Variants in CNBD1 observed in about 807,000 individuals in gnomAD.
CNBD1 encodes the protein cyclic nucleotide binding domain containing 1.
Under a neutral mutation model 54.4 loss-of-function variants are expected in CNBD1, and 71 were observed. The observed-to-expected ratio is 1.30, with a 90% CI of 1.08 to 1.59. The LOEUF (loss-of-function observed/expected upper bound fraction) is 1.59. Among genes scored for constraint, CNBD1 ranks in the 40% most tolerant of loss-of-function variants. The pLI, the probability that CNBD1 is intolerant of heterozygous loss-of-function variation, is 0.00. For missense variants in CNBD1, 659 were observed against 518.0 expected, an observed-to-expected ratio of 1.27 and a Z score of -2.64; for synonymous variants, 182 against 170.7, an observed-to-expected ratio of 1.07 and a Z score of -0.51.
chr8:87,229,561 T>A (rs1292983300), intron 5 of CNBD1, among the ~76,000 whole-genome samples: 2 of 152,134 alleles, frequency 1.3e-5, no homozygotes, highest in Non-Finnish European at 2.9e-5. Context: ...TGTCTATAAA[T>A]TTTGGGATTA....
chr8:87,166,071 C>T lies in CNBD1; in HGVS notation c.432-39922C>T, dbSNP rs146390672. On this transcript the variant is annotated intron_variant, in intron 4 of 10. Transcript: ENST00000518476. This position sits in a 1 kb window ranked among gnomAD's most constrained non-coding sequence, Gnocchi z 4.3. ...GAAGGCCTTATAAGGGCATCTTCTA[C>T]CATATCTGAAATAAAACTAACTCTT... Among the ~76,000 whole-genome samples, 272 of 152,006 alleles carry T rather than the reference C, an allele frequency of 1.8e-3. No individual in the cohort carries two copies. The highest frequency in any genetic ancestry group is 6.4e-3 in the African/African-American group (264 of 41,512).
chr8:87,115,344 T>C (rs1435975036), intron 4 of CNBD1, among the ~76,000 whole-genome samples: 1 of 152,240 alleles, frequency 6.6e-6, no homozygotes, highest in Non-Finnish European at 1.5e-5. Flanking sequence ...TTTTTGGGAA[T>C]ATATGTCTAA....
chr8:87,427,305 C>G (rs1421262561), intron 2 of CNBD1, among the ~76,000 whole-genome samples: 2 of 152,246 alleles, frequency 1.3e-5, no homozygotes, highest in South Asian at 2.1e-4. Flanking sequence ...AATTGTTTCA[C>G]TGCTTTTAAA....
chr8:87,195,704 G>T (rs1813706966), intron 4 of CNBD1, among the ~76,000 whole-genome samples: 1 of 151,224 alleles, frequency 6.6e-6, no homozygotes, highest in South Asian at 2.1e-4. Flanking sequence ...CTCCTGAGTA[G>T]CTGGGACTAC....
chr8:86,935,947 G>A (rs1256065515), intron 3 of CNBD1, among the ~76,000 whole-genome samples: 1 of 152,016 alleles, frequency 6.6e-6, no homozygotes, highest in Non-Finnish European at 1.5e-5. Context: ...AGGAGTTTGA[G>A]ACTAACCTGG....
intron 8 of CNBD1, among the ~76,000 whole-genome samples, chr8:87,335,060 A>G (rs1326942032): frequency 6.6e-6 from 1 of 152,054 alleles, no homozygotes; most frequent in African/African-American, 2.4e-5. Context: ...TGATTGCACT[A>G]TGGTCTGAGA....
rs113641785 is a variant in CNBD1, at chr8:86,956,148, C to T, written c.431+16394C>T. On this transcript the variant is annotated intron_variant, in intron 4 of 10. Coordinates refer to ENST00000518476, the MANE Select transcript of CNBD1 (RefSeq NM_173538.3). The stretch of plus-strand genomic sequence containing the variant: ...CAAAGATCAGATAGTTGTAGATATG[C>T]GGAGTTATTTCTGAGGGCTCTGTTC... 9.6e-3 allele frequency among the ~76,000 whole-genome samples: 1,455 copies of T among 151,914 alleles called. 23 individuals are homozygous for T. The highest frequency in any genetic ancestry group is 0.034 in the African/African-American group (1,391 of 41,406).
chr8:87,423,864 C>T (rs947471740), intron 2 of CNBD1, among the ~76,000 whole-genome samples: 4 of 152,162 alleles, frequency 2.6e-5, no homozygotes, highest in Admixed American at 2.6e-4. Context: ...CCAGTTCCTC[C>T]TTGTACCTCT....
intron 10 of CNBD1, among the ~76,000 whole-genome samples, chr8:87,368,546 G>A (rs540876366): frequency 1.3e-5 from 2 of 151,738 alleles, no homozygotes; most frequent in South Asian, 2.1e-4. Context: ...ACTAAGGCAG[G>A]AGGATCCCTT....
intron 4 of CNBD1, among the ~76,000 whole-genome samples, chr8:86,987,049 A>G (rs1468361902): frequency 6.6e-6 from 1 of 152,186 alleles, no homozygotes; most frequent in Non-Finnish European, 1.5e-5. Context: ...CTATGAAAAA[A>G]TGACATAGGT....
intron 6 of CNBD1, among the ~76,000 whole-genome samples, chr8:87,280,976 CAA>C (rs1223696817): frequency 7.3e-6 from 1 of 137,300 alleles, no homozygotes; most frequent in Non-Finnish European, 1.6e-5. Context: ...ATGATATTTT[CAA>C]AAAAATTGAG....
At chr8:87,371,399 T>A (rs911716443) in intron 10 of CNBD1, among the ~76,000 whole-genome samples, 2 of 152,046 alleles carry the variant, frequency 1.3e-5, no homozygotes, top group African/African-American at 4.8e-5. Flanking sequence ...CCTCTTTTAT[T>A]TCATTGAGCA....
At chr8:87,377,210 G>C (rs555802657) in intron 10 of CNBD1, among the ~76,000 whole-genome samples, 1 of 150,784 alleles carries the variant, frequency 6.6e-6, no homozygotes, top group African/African-American at 2.4e-5. Context: ...GTGCAGGTTA[G>C]TTACATATGT....
At chr8:87,360,856 AC>A (rs1810511542) in intron 10 of CNBD1, among the ~76,000 whole-genome samples, 1 of 151,914 alleles carries the variant, frequency 6.6e-6, no homozygotes. Context: ...ATGCCTAAAG[AC>A]TATCTCTCAT....
intron 4 of CNBD1, among the ~76,000 whole-genome samples, chr8:87,175,292 C>T (rs1052687636): frequency 3.3e-5 from 5 of 152,156 alleles, no homozygotes; most frequent in Non-Finnish European, 7.3e-5. Flanking sequence ...TTATCTTCTG[C>T]TTTTCTTAAG....
intron 4 of CNBD1, among the ~76,000 whole-genome samples, chr8:87,094,031 T>C (rs1214745458): frequency 2.6e-5 from 4 of 152,194 alleles, no homozygotes; most frequent in Non-Finnish European, 5.9e-5. Flanking sequence ...GTTGGTTCCA[T>C]AGCTTTCTGC....
rs1015638924 is a variant in CNBD1, at chr8:86,989,953, T to G, written c.431+50199T>G. Reference sequence around the variant, plus strand: ...TTTGCATTTTTCTGATGACCAATCATGTTGAGCATTTTTTCATACACCTAT... The same window carrying G: ...TTTGCATTTTTCTGATGACCAATCAGGTTGAGCATTTTTTCATACACCTAT... On this transcript the variant is annotated intron_variant, in intron 4 of 10. Coordinates refer to ENST00000518476, the MANE Select transcript of CNBD1 (RefSeq NM_173538.3). Among the ~76,000 whole-genome samples the G allele has an allele frequency of 2.6e-5, 4 of 152,330 alleles. No individual in the cohort carries two copies. The East Asian group carries it at 7.7e-4, about 29-fold the overall frequency.
intron 1 of CNBD1, among the ~76,000 whole-genome samples, chr8:86,873,195 G>A (rs1458587178): frequency 6.7e-6 from 1 of 150,272 alleles, no homozygotes; most frequent in African/African-American, 2.4e-5. Flanking sequence ...TCTGCCTCCC[G>A]GGTTCAAGAG....
intron 8 of CNBD1, among the ~76,000 whole-genome samples, chr8:87,342,673 G>A (rs1014872972): frequency 6.6e-6 from 1 of 151,996 alleles, no homozygotes; most frequent in Non-Finnish European, 1.5e-5. Context: ...ATATTGGTAG[G>A]GCCGTGATGG....
Sources: allele counts gnomAD v4.1 joint callset (sites outside exome capture counted in the v4.1 genomes callset), GRCh38; gene constraint gnomAD v4.1.1; non-coding constraint Gnocchi (gnomAD v3.1); transcripts MANE v1.5; gene names NCBI Gene and HGNC (gene_info 2026-07-23, HGNC 2026-07-21).